UTS2: variants seen among roughly 807,000 people sequenced by gnomAD.
The protein encoded by UTS2 is urotensin 2, also known as urotensin-2.
Under a neutral mutation model 12.6 loss-of-function variants are expected in UTS2, and 10 were observed. The ratio of observed to expected loss-of-function variants is 0.80; its 90% CI spans 0.49 to 1.35. UTS2 has a LOEUF of 1.35. UTS2 is among the 40% of genes most tolerant of loss of function. The probability of loss-of-function intolerance (pLI) is 0.00; values close to 1 mark genes in which losing one functional copy is unlikely to be tolerated. For synonymous variants in UTS2, 52 were observed against 50.0 expected, an observed-to-expected ratio of 1.04 and a Z score of -0.17; for missense variants, 142 against 143.2, an observed-to-expected ratio of 0.99 and a Z score of 0.04.
the UTS2 span, among the ~76,000 whole-genome samples, chr1:7,904,624 G>T: frequency 0.011 from 1,628 of 152,232 alleles, 34 homozygotes; most frequent in African/African-American, 0.038. Flanking sequence ...TGGAAAAGGG[G>T]CTGGGAGCAG....
At chr1:7,902,758 G>A in the UTS2 span, among the ~76,000 whole-genome samples, 4 of 152,062 alleles carry the variant, frequency 2.6e-5, no homozygotes, top group African/African-American at 9.7e-5. Flanking sequence ...TAGGCGGCAC[G>A]TTAGCCTTTA....
At chr1:7,860,107 C>G in the UTS2 span, among the ~76,000 whole-genome samples, 1 of 152,144 alleles carries the variant, frequency 6.6e-6, no homozygotes, top group Non-Finnish European at 1.5e-5. Flanking sequence ...GAGCATGTGC[C>G]AGGGACTGTG....
At chr1:7,900,081 C>A in the UTS2 span, among the ~76,000 whole-genome samples, 1 of 152,210 alleles carries the variant, frequency 6.6e-6, no homozygotes, top group African/African-American at 2.4e-5. Flanking sequence ...GAAAGCTTAG[C>A]TCCACTTCCT....
At chr1:7,892,381 G>T in the UTS2 span, among the ~76,000 whole-genome samples, 1 of 151,648 alleles carries the variant, frequency 6.6e-6, no homozygotes, top group East Asian at 1.9e-4. Context: ...GCATTCGTGG[G>T]CTCTTGGCCC....
At chr1:7,889,394 A>T in the UTS2 span, among the ~76,000 whole-genome samples, 6 of 144,138 alleles carry the variant, frequency 4.2e-5, no homozygotes, top group Non-Finnish European at 9.1e-5. Flanking sequence ...GTGAGCCGAG[A>T]TTGCACCACT....
chr1:7,868,544 C>A, the UTS2 span, among the ~76,000 whole-genome samples: 3 of 152,188 alleles, frequency 2.0e-5, no homozygotes, highest in Non-Finnish European at 1.5e-5. Context: ...ACCCAGCCAG[C>A]CCAGCAGACA....
the UTS2 span, among the ~76,000 whole-genome samples, chr1:7,892,671 GA>G: frequency 6.6e-6 from 1 of 151,650 alleles, no homozygotes; most frequent in African/African-American, 2.4e-5. Flanking sequence ...TAGAGGCGGG[GA>G]GGCGGGATAT....
the UTS2 span, among the ~76,000 whole-genome samples, chr1:7,892,943 G>A: frequency 2.6e-5 from 4 of 152,098 alleles, no homozygotes; most frequent in Non-Finnish European, 5.9e-5. Context: ...TGGGGCATAG[G>A]ACACGGACAT....
the UTS2 span, among the ~76,000 whole-genome samples, chr1:7,878,985 G>A: frequency 2.1e-4 from 32 of 152,098 alleles, no homozygotes; most frequent in Admixed American, 5.9e-4. Context: ...TATATGCACC[G>A]AATACCACAG....
the UTS2 span, among the ~76,000 whole-genome samples, chr1:7,878,193 A>T: frequency 3.9e-5 from 6 of 152,226 alleles, no homozygotes; most frequent in African/African-American, 1.4e-4. Context: ...GCTATCCTTG[A>T]AAAACAAAGG....
the UTS2 span, among the ~76,000 whole-genome samples, chr1:7,901,089 G>A: frequency 6.6e-6 from 1 of 152,160 alleles, no homozygotes; most frequent in African/African-American, 2.4e-5. Context: ...GGTAAGTTAC[G>A]TTTTTTCTAG....
At chr1:7,864,365 C>G in the UTS2 span, among the ~76,000 whole-genome samples, 1 of 152,168 alleles carries the variant, frequency 6.6e-6, no homozygotes, top group African/African-American at 2.4e-5. Flanking sequence ...CCGACCTTCC[C>G]CCTCTCCCTC....
the UTS2 span, among the ~76,000 whole-genome samples, chr1:7,888,428 G>A: frequency 1.6e-4 from 24 of 151,888 alleles, no homozygotes; most frequent in African/African-American, 5.3e-4. Flanking sequence ...CCTCTGATGC[G>A]TCATCTGTGA....
chr1:7,865,958 T>C, the UTS2 span, among the ~76,000 whole-genome samples: 1 of 152,050 alleles, frequency 6.6e-6, no homozygotes, highest in South Asian at 2.1e-4. Context: ...AACAAACTAA[T>C]ACAATTCCAT....
the UTS2 span, among the ~76,000 whole-genome samples, chr1:7,884,000 G>C: frequency 6.6e-6 from 1 of 151,886 alleles, no homozygotes; most frequent in Non-Finnish European, 1.5e-5. Context: ...TTTTAGTAGA[G>C]ACGGGGTTTC....
the UTS2 span, among the ~76,000 whole-genome samples, chr1:7,859,573 G>A: frequency 2.6e-5 from 4 of 152,332 alleles, no homozygotes; most frequent in East Asian, 3.9e-4. Context: ...AAAGGCCCTG[G>A]GGTCAGATGA....
At chr1:7,910,761 C>G in the UTS2 span, among the ~76,000 whole-genome samples, 1 of 152,144 alleles carries the variant, frequency 6.6e-6, no homozygotes, top group South Asian at 2.1e-4. Flanking sequence ...GGGACTTGCT[C>G]TGTCTCCCAG....
At chr1:7,911,165 C>T in the UTS2 span, among the ~76,000 whole-genome samples, 1 of 152,126 alleles carries the variant, frequency 6.6e-6, no homozygotes, top group Non-Finnish European at 1.5e-5. Context: ...CCACATTACA[C>T]AGTTTGCTTC....
the UTS2 span, among the ~76,000 whole-genome samples, chr1:7,891,095 T>G: frequency 6.6e-6 from 1 of 151,936 alleles, no homozygotes; most frequent in Non-Finnish European, 1.5e-5. Flanking sequence ...GATACATGCA[T>G]GGATGAATCT....
Sources: allele counts gnomAD v4.1 joint callset (sites outside exome capture counted in the v4.1 genomes callset), GRCh38; gene constraint gnomAD v4.1.1; transcripts MANE v1.5; gene names NCBI Gene and HGNC (gene_info 2026-07-23, HGNC 2026-07-21).